Variants in LHFPL3 observed in about 807,000 individuals in gnomAD.
The protein encoded by LHFPL3 is LHFPL tetraspan subfamily member 3, also known as LHFPL tetraspan subfamily member 3 protein.
A neutral mutation model predicts 19.3 loss-of-function variants in LHFPL3; 5 were observed. The ratio of observed to expected loss-of-function variants is 0.26; its 90% CI spans 0.14 to 0.54. The LOEUF (loss-of-function observed/expected upper bound fraction) is 0.54. LHFPL3 is among the 20% of genes least tolerant of loss of function. The pLI is 0.94. For missense variants in LHFPL3, 249 were observed against 307.4 expected, an observed-to-expected ratio of 0.81 and a Z score of 1.42; for synonymous variants, 133 against 126.2, an observed-to-expected ratio of 1.05 and a Z score of -0.36.
chr7:104,708,192 T>A (rs1217549073), intron 1 of LHFPL3, among the ~76,000 whole-genome samples: 1 of 152,142 alleles, frequency 6.6e-6, no homozygotes, highest in East Asian at 1.9e-4. Context: ...TCACTTTGGG[T>A]TTCTAGGCAG....
intron 1 of LHFPL3, among the ~76,000 whole-genome samples, chr7:104,562,608 T>C (rs953137464): frequency 1.3e-5 from 2 of 152,014 alleles, no homozygotes; most frequent in African/African-American, 4.8e-5. Flanking sequence ...AGTTTTCAAC[T>C]TCTTTGCCTT....
At chr7:104,819,641 C>T (rs1175202420) in intron 2 of LHFPL3, among the ~76,000 whole-genome samples, 4 of 152,222 alleles carry the variant, frequency 2.6e-5, no homozygotes, top group Non-Finnish European at 4.4e-5. Flanking sequence ...CCCCAAGTCA[C>T]AGCAGCCACA....
chr7:104,480,899 A>G (rs1312064531), intron 1 of LHFPL3, among the ~76,000 whole-genome samples: 1 of 152,310 alleles, frequency 6.6e-6, no homozygotes, highest in Middle Eastern at 3.4e-3. Flanking sequence ...TGATGTATTT[A>G]GCGAACAGTG....
Position 104,433,376 on chromosome 7 carries a change from C to A in LHFPL3, c.445+104152C>A, listed in dbSNP as rs76781163. Among the ~76,000 whole-genome samples the A allele has an allele frequency of 5.9e-3, 899 of 152,278 alleles. 56 individuals carry two copies. The East Asian group carries it at 0.15, about 25-fold the overall frequency. ...TGAAGATCTTGGAAACCCACTCCCC[C>A]CAGGGCTCTCTGGAGTCCACTTTGA... On this transcript the variant is annotated intron_variant, in intron 1 of 2. Coordinates refer to ENST00000424859, the MANE Select transcript of LHFPL3 (RefSeq NM_199000.3).
chr7:104,481,513 TGG>T (rs910676207), intron 1 of LHFPL3, among the ~76,000 whole-genome samples: 1 of 152,180 alleles, frequency 6.6e-6, no homozygotes, highest in South Asian at 2.1e-4. Context: ...TGCTTGCCTC[TGG>T]GCCTTTGCTT....
At chr7:104,676,623 A>G (rs1193409500) in intron 1 of LHFPL3, among the ~76,000 whole-genome samples, 1 of 152,224 alleles carries the variant, frequency 6.6e-6, no homozygotes. Context: ...GATGCAAACC[A>G]TCTTAGAAAT....
chr7:104,737,016 T>C (rs1363398701), intron 2 of LHFPL3, 105 bp downstream of exon 2: 3 of 836,112 alleles, frequency 3.6e-6, no homozygotes, highest in East Asian at 2.7e-5. Context: ...AGGTTCTAAT[T>C]TGCTGCCTCT....
chr7:104,695,435 T>C (rs527747522), intron 1 of LHFPL3, among the ~76,000 whole-genome samples: 6 of 152,334 alleles, frequency 3.9e-5, no homozygotes, highest in Admixed American at 3.9e-4. Context: ...AGAGGGTATA[T>C]AACCTTTTTT....
intron 1 of LHFPL3, among the ~76,000 whole-genome samples, chr7:104,501,928 G>T (rs898077242): frequency 2.6e-5 from 4 of 152,248 alleles, no homozygotes; most frequent in African/African-American, 7.2e-5. Flanking sequence ...TGAAAAATAA[G>T]TTAGATCAAT....
chr7:104,594,314 A>G (rs1028742515), intron 1 of LHFPL3, among the ~76,000 whole-genome samples: 2 of 152,180 alleles, frequency 1.3e-5, no homozygotes, highest in Non-Finnish European at 2.9e-5. Context: ...TTGGCTGGAT[A>G]TGAAATTCTG....
At chr7:104,801,081 C>T (rs2116474884) in intron 2 of LHFPL3, among the ~76,000 whole-genome samples, 1 of 152,314 alleles carries the variant, frequency 6.6e-6, no homozygotes, top group South Asian at 2.1e-4. Context: ...GAAGTTCCTG[C>T]TTATCCCAAG....
At chr7:104,386,218 C>T (rs1188600598) in intron 1 of LHFPL3, among the ~76,000 whole-genome samples, 10 of 152,190 alleles carry the variant, frequency 6.6e-5, no homozygotes, top group African/African-American at 2.2e-4. Flanking sequence ...TTCAAAAAGT[C>T]CCATTCCCAG....
At chr7:104,674,211 C>T (rs1792543113) in intron 1 of LHFPL3, among the ~76,000 whole-genome samples, 1 of 151,428 alleles carries the variant, frequency 6.6e-6, no homozygotes, top group African/African-American at 2.4e-5. Flanking sequence ...GGTCAGTTCT[C>T]ACATACCACA....
At position 104,497,710 on chromosome 7, in the gene LHFPL3, C is replaced by T. The variant is rs62485113; in HGVS notation, c.445+168486C>T. ...CCCTCCAAGCTGGAGGAGTCACTGC[C>T]GGGAACTTGCCTGGAGTCTGGTTAG... On this transcript the variant is annotated intron_variant, in intron 1 of 2. Transcript: ENST00000424859. 9.3e-3 allele frequency among the ~76,000 whole-genome samples: 1,412 copies of T among 152,066 alleles called. 27 individuals are homozygous for T. The highest frequency in any genetic ancestry group is 0.086 in the East Asian group (446 of 5,162).
chr7:104,466,406 A>G (rs140591827), intron 1 of LHFPL3, among the ~76,000 whole-genome samples: 1,822 of 152,280 alleles, frequency 0.012, 16 homozygotes, highest in Middle Eastern at 0.051. Context: ...CAAGTTGTAA[A>G]AAATGATAAC....
intron 1 of LHFPL3, among the ~76,000 whole-genome samples, chr7:104,509,273 A>G (rs957581626): frequency 6.7e-6 from 1 of 150,072 alleles, no homozygotes; most frequent in African/African-American, 2.5e-5. Flanking sequence ...AAGGAAAAAA[A>G]AAAAGGAAAG....
chr7:104,829,745 G>C (rs1790910924), intron 2 of LHFPL3, among the ~76,000 whole-genome samples: 2 of 151,958 alleles, frequency 1.3e-5, no homozygotes, highest in Admixed American at 6.5e-5. Context: ...GGACATTTGG[G>C]TTGGTTCCAA....
At chr7:104,842,522 G>C (rs1253100381) in intron 2 of LHFPL3, among the ~76,000 whole-genome samples, 1 of 152,132 alleles carries the variant, frequency 6.6e-6, no homozygotes, top group African/African-American at 2.4e-5. Flanking sequence ...CCCTCCAGAT[G>C]GGGTCCTGCA....
At chr7:104,509,681 A>G (rs953369743) in intron 1 of LHFPL3, among the ~76,000 whole-genome samples, 1 of 152,144 alleles carries the variant, frequency 6.6e-6, no homozygotes, top group Non-Finnish European at 1.5e-5. Context: ...AGAGCAAGGC[A>G]AGGATGTCTA....
Sources: allele counts gnomAD v4.1 joint callset (sites outside exome capture counted in the v4.1 genomes callset), GRCh38; gene constraint gnomAD v4.1.1; transcripts MANE v1.5; gene names NCBI Gene and HGNC (gene_info 2026-07-23, HGNC 2026-07-21).